Variants in COL12A1 observed in about 807,000 individuals in gnomAD.
The protein encoded by COL12A1 is collagen alpha-1(XII) chain.
COL12A1 carries 114 observed loss-of-function variants against 349.7 expected under a neutral mutation model. The ratio of observed to expected loss-of-function variants is 0.33; its 90% confidence interval spans 0.28 to 0.38. The LOEUF (loss-of-function observed/expected upper bound fraction) is 0.38, where lower values mean the gene tolerates loss of function less well. Ranked by LOEUF, COL12A1 falls within the 10% of genes least tolerant of loss-of-function variation. The probability of loss-of-function intolerance (pLI) is 1.00; values close to 1 mark genes in which losing one functional copy is unlikely to be tolerated. For synonymous variants in COL12A1, 1,369 were observed against 1,329.0 expected (o/e 1.03, Z -0.66); for missense variants, 3,284 against 3,756.9 (o/e 0.87, Z 3.29).
chr6:75,112,511 G>GAA (rs1029977110), intron 51 of COL12A1, among the ~76,000 whole-genome samples: 7 of 149,388 alleles, frequency 4.7e-5, no homozygotes, highest in African/African-American at 1.7e-4. Context: ...TTAGAAACCT[G>GAA]AAAAAAAAAG....
At chr6:75,175,815 G>GA (rs974369150) in intron 12 of COL12A1, among the ~76,000 whole-genome samples, 2 of 152,174 alleles carry the variant, frequency 1.3e-5, no homozygotes. Flanking sequence ...AAAAGTAAGA[G>GA]AAAAAACAGC....
At chr6:75,170,879 G>A (rs956987656) in intron 13 of COL12A1, among the ~76,000 whole-genome samples, 2 of 152,192 alleles carry the variant, frequency 1.3e-5, no homozygotes, top group African/African-American at 2.4e-5. Flanking sequence ...AATACACTTG[G>A]TTTGATCTGT....
rs749549140 is a variant in COL12A1 at position 75,183,256 on chromosome 6, A to G, written c.1685T>C (p.Ile562Thr). 6.2e-7 allele frequency: 1 copy of G among 1,614,210 alleles called. No homozygotes were observed. Among genetic ancestry groups the G allele is most frequent in the Non-Finnish European group, 8.5e-7 (1 of 1,180,030 alleles). The stretch of plus-strand genomic sequence containing the variant: ...TTCAACATCTGAATTCCTCAGTTTT[A>G]TCGCAGGATCTCTGAAAGCATCTGA... Reference protein sequence around the residue: ...KSSDAFRDPAIKLRNSDVEIF... With the variant: ...KSSDAFRDPATKLRNSDVEIF... Residue 562 changes from isoleucine to threonine, a missense_variant, in exon 10 of 66, where the codon ATA becomes ACA. Ile to Thr is a moderately conservative substitution (Grantham distance 89). This residue lies in a region of COL12A1 where 2,601 missense variants were observed against 2,824.8 expected (regional missense o/e 0.92). Transcript: ENST00000322507.
At chr6:75,088,331 G>A (rs2149323910) in intron 64 of COL12A1, among the ~76,000 whole-genome samples, 1 of 152,296 alleles carries the variant, frequency 6.6e-6, no homozygotes, top group Non-Finnish European at 1.5e-5. Flanking sequence ...CTTTGGGAGA[G>A]CAGTGAATGA....
At chr6:75,166,773 G>C (rs1402425533) in intron 13 of COL12A1, among the ~76,000 whole-genome samples, 1 of 151,902 alleles carries the variant, frequency 6.6e-6, no homozygotes, top group African/African-American at 2.4e-5. Flanking sequence ...TTAACTCAAA[G>C]AGTTAAAATG....
Position 75,175,285 on chromosome 6 carries a change from T to G in COL12A1, c.2463A>C (p.Arg821Ser), listed in dbSNP as rs749386043. 1 of 1,614,120 alleles carries G rather than the reference T, an allele frequency of 6.2e-7. No homozygotes were observed. Among genetic ancestry groups the G allele is most frequent in the Non-Finnish European group, 8.5e-7 (1 of 1,180,000 alleles). The change falls in exon 13 of 66, where the codon AGA becomes AGC. Residue 821 changes from arginine to serine, a missense_variant. This residue lies in a region of COL12A1 where 2,601 missense variants were observed against 2,824.8 expected (regional missense o/e 0.92). Transcript: ENST00000322507. ...EEVRGNPRDL[R>S]VSDPTTSTMK... The stretch of plus-strand genomic sequence containing the variant: ...TAGTAGACGTCGTAGGGTCAGAAAC[T>G]CTTAAGTCTCTTGGATTCCCTCTAA...
At chr6:75,165,474 C>CACACACCCAA (rs1366070954) in intron 14 of COL12A1, 33 bp downstream of exon 14, 1 of 1,603,604 alleles carries the variant, frequency 6.2e-7, no homozygotes, top group Non-Finnish European at 8.5e-7. Context: ...GTAGCACCGG[C>CACACACCCAA]ACACACCCAA....
chr6:75,163,513 A>G (rs1182620311), intron 14 of COL12A1, among the ~76,000 whole-genome samples: 1 of 151,766 alleles, frequency 6.6e-6, no homozygotes, highest in East Asian at 1.9e-4. Flanking sequence ...GGCCTGTAGT[A>G]GGGTAGGGGG....
At chr6:75,153,720 T>C (rs2149419788) in intron 17 of COL12A1, among the ~76,000 whole-genome samples, 1 of 152,212 alleles carries the variant, frequency 6.6e-6, no homozygotes, top group Admixed American at 6.5e-5. Context: ...ATGAAAACTA[T>C]CAGAAGTAAA....
intron 58 of COL12A1, among the ~76,000 whole-genome samples, chr6:75,097,691 A>T (rs1297845753): frequency 6.6e-6 from 1 of 152,222 alleles, no homozygotes; most frequent in Non-Finnish European, 1.5e-5. Context: ...GGAAAAGTCA[A>T]TGTCCACAGG....
rs1409370496 is a variant in COL12A1, at chr6:75,147,918, C to T, written c.4288-114G>A. 8.8e-6 allele frequency: 10 copies of T among 1,135,776 alleles called. No individual in the cohort carries two copies. The Admixed American group carries it at 2.6e-4, about 30-fold the overall frequency. The allele number at this position is 1,135,776 out of a possible 1,614,324, so 70.4% of individuals were successfully genotyped here. A position where few individuals can be genotyped will look rare whatever the true frequency, so the allele number is the denominator to read the frequency against. Reference sequence around the variant, plus strand: ...GCTTAGAATCTATATTTCAATTAGGCCATTGTCTTTTGTATTTGGAAACTA... The same window carrying T: ...GCTTAGAATCTATATTTCAATTAGGTCATTGTCTTTTGTATTTGGAAACTA... On this transcript the variant is annotated intron_variant, in intron 22 of 65. Transcript: ENST00000322507.
At chr6:75,157,527 A>G (rs1767823819) in intron 14 of COL12A1, among the ~76,000 whole-genome samples, 2 of 152,136 alleles carry the variant, frequency 1.3e-5, no homozygotes, top group South Asian at 4.1e-4. Context: ...AAGAGAGATA[A>G]GGAACAAAGG....
intron 52 of COL12A1, 48 bp from the exon 53 acceptor site, chr6:75,106,544 T>C (rs769043397): frequency 1.1e-5 from 17 of 1,541,546 alleles, no homozygotes; most frequent in Non-Finnish European, 1.4e-5. Context: ...TGAAAAACAT[T>C]TTATATTGGC....
chr6:75,152,981 G>T (rs943806991), intron 17 of COL12A1, among the ~76,000 whole-genome samples: 2 of 152,068 alleles, frequency 1.3e-5, no homozygotes, highest in African/African-American at 4.8e-5. Flanking sequence ...CTAAAAAAAG[G>T]TTTTTGTGAG....
chr6:75,159,067 A>C (rs1224313722), intron 14 of COL12A1, among the ~76,000 whole-genome samples: 2 of 151,992 alleles, frequency 1.3e-5, no homozygotes, highest in Non-Finnish European at 2.9e-5. Context: ...ATACCAAGAC[A>C]CATCATAATT....
chr6:75,186,962 C>T (rs1769656794), intron 8 of COL12A1, among the ~76,000 whole-genome samples: 1 of 151,398 alleles, frequency 6.6e-6, no homozygotes, highest in South Asian at 2.1e-4. Context: ...CACACTGGGG[C>T]CTATTGGAGG....
intron 33 of COL12A1, 29 bp downstream of exon 33, chr6:75,133,829 T>G (rs773148795): frequency 3.6e-5 from 58 of 1,612,856 alleles, no homozygotes; most frequent in Non-Finnish European, 4.8e-5. Context: ...TTAAACAAAC[T>G]AGCATTTTTT....
chr6:75,085,331 AGGCAGGTAGGCCCCGCCCTCG>A lies in COL12A1; in HGVS notation c.*1195_*1215del. On this transcript the variant is annotated 3_prime_UTR_variant, in exon 66 of 66. Transcript: ENST00000322507. The stretch of plus-strand genomic sequence containing the variant: ...CCGGCACGATGAAGGGCTCGCGCTC[AGGCAGGTAGGCCCCGCCCTCG>A]GGCACGTAAGGCTCTGTCCGATTCA... The A allele has an allele frequency of 4.2e-6, 2 of 471,102 alleles. No homozygotes were observed. Among genetic ancestry groups the A allele is most frequent in the Non-Finnish European group, 8.8e-6 (2 of 227,038 alleles). The allele number at this position is 471,102 out of a possible 1,614,324, so 29.2% of individuals were successfully genotyped here. A position where few individuals can be genotyped will look rare whatever the true frequency, so the allele number is the denominator to read the frequency against.
intron 60 of COL12A1, among the ~76,000 whole-genome samples, chr6:75,093,462 TG>T (rs1341129220): frequency 3.3e-5 from 5 of 152,150 alleles, no homozygotes; most frequent in African/African-American, 1.2e-4. Context: ...ATGCTATGTT[TG>T]GTTTCATTAA....
Sources: allele counts gnomAD v4.1 joint callset (sites outside exome capture counted in the v4.1 genomes callset), GRCh38; gene constraint gnomAD v4.1.1; regional missense constraint gnomAD v4.1.1; transcripts MANE v1.5; gene names NCBI Gene and HGNC (gene_info 2026-07-23, HGNC 2026-07-21).